Variants in GALNT2 observed in about 807,000 individuals in gnomAD.
GALNT2 encodes UDP-GalNAc:polypeptide N-acetylgalactosaminyltransferase 2.
A neutral mutation model predicts 81.4 loss-of-function variants in GALNT2; 31 were observed. The observed-to-expected ratio is 0.38, with a 90% confidence interval of 0.29 to 0.51. The LOEUF is 0.51. GALNT2 is among the 20% of genes least tolerant of loss of function. GALNT2 has a pLI of 0.87. For missense variants in GALNT2, 629 were observed against 765.7 expected, an observed-to-expected ratio of 0.82 and a Z score of 2.11; for synonymous variants, 303 against 287.4, an observed-to-expected ratio of 1.05 and a Z score of -0.55.
chr1:230,182,516 T>C (rs1663192201), intron 2 of GALNT2, among the ~76,000 whole-genome samples: 1 of 152,254 alleles, frequency 6.6e-6, no homozygotes. Context: ...CGTTGTTTAG[T>C]CTCCATGTAC....
intron 1 of GALNT2, among the ~76,000 whole-genome samples, chr1:230,095,244 C>A (rs1217589039): frequency 6.6e-6 from 1 of 152,084 alleles, no homozygotes; most frequent in Non-Finnish European, 1.5e-5. Flanking sequence ...TCAGGGTGAC[C>A]CATCTAGCAG....
At chr1:230,242,215 G>C (rs889388019) in intron 6 of GALNT2, among the ~76,000 whole-genome samples, 2 of 152,188 alleles carry the variant, frequency 1.3e-5, no homozygotes, top group Non-Finnish European at 2.9e-5. Flanking sequence ...TCTAGTTTCT[G>C]TCTGCTTCTG....
intron 1 of GALNT2, among the ~76,000 whole-genome samples, chr1:230,076,271 G>T (rs961657356): frequency 1.3e-5 from 2 of 152,226 alleles, no homozygotes; most frequent in African/African-American, 4.8e-5. Flanking sequence ...TGACTTCTGT[G>T]AAGCACCAAG....
At chr1:230,061,819 GTCTTT>G (rs945292108) in intron 1 of GALNT2, among the ~76,000 whole-genome samples, 1 of 152,080 alleles carries the variant, frequency 6.6e-6, no homozygotes, top group Non-Finnish European at 1.5e-5. Flanking sequence ...AGATACATGT[GTCTTT>G]TCTTTTCTGC....
chr1:230,199,836 G>T (rs1370532783), intron 2 of GALNT2, among the ~76,000 whole-genome samples: 1 of 152,134 alleles, frequency 6.6e-6, no homozygotes, highest in Non-Finnish European at 1.5e-5. Flanking sequence ...TAGTCTTTGG[G>T]TGCTGAAGAA....
At chr1:230,064,986 T>C (rs1659138205), upstream of GALNT2, among the ~76,000 whole-genome samples, 1 of 152,254 alleles carries the variant, frequency 6.6e-6, no homozygotes, top group African/African-American at 2.4e-5. Context: ...TAATTCCAGA[T>C]CATTTCCCAA....
intron 1 of GALNT2, among the ~76,000 whole-genome samples, chr1:230,081,003 G>A (rs1659708610): frequency 6.6e-6 from 1 of 152,152 alleles, no homozygotes; most frequent in Non-Finnish European, 1.5e-5. Flanking sequence ...AGGCATTCAC[G>A]AGCCCAGAGG....
chr1:230,256,205 G>A (rs557187673), intron 11 of GALNT2, among the ~76,000 whole-genome samples: 5 of 152,144 alleles, frequency 3.3e-5, no homozygotes, highest in South Asian at 2.1e-4. Context: ...GCGGGAGGCC[G>A]AGATGGGCAG....
intron 10 of GALNT2, among the ~76,000 whole-genome samples, chr1:230,251,789 C>T (rs1665552890): frequency 6.6e-6 from 1 of 152,122 alleles, no homozygotes; most frequent in Non-Finnish European, 1.5e-5. Context: ...GTGTGGTTTT[C>T]AGAAGTTTGC....
intron 1 of GALNT2, among the ~76,000 whole-genome samples, chr1:230,077,057 G>A (rs568453891): frequency 6.6e-6 from 1 of 152,330 alleles, no homozygotes; most frequent in East Asian, 1.9e-4. Flanking sequence ...TTTTGGAGAT[G>A]CCCATGAATT....
In GALNT2 at chr1:230,271,885, A is replaced by G. The variant is rs1040050008; in HGVS notation, c.1441-2560A>G. Among the ~76,000 whole-genome samples, 6 of 152,316 alleles carry G rather than the reference A, an allele frequency of 3.9e-5. No homozygotes were observed. Among genetic ancestry groups the G allele is most frequent in the Middle Eastern group, 6.8e-3 (2 of 294 alleles). On this transcript the variant is annotated intron_variant, in intron 14 of 15. Coordinates refer to ENST00000366672, the MANE Select transcript of GALNT2 (RefSeq NM_004481.5). The surrounding 1 kb of genome is among the most constrained non-coding windows in gnomAD (Gnocchi z 4.2). ...TCTCCAGCTCCTCTTCCCTTCCCAG[A>G]GGATGGGGTGGCGGGGGACTGACGG...
intron 13 of GALNT2, chr1:230,263,323 A>T (rs975932374): frequency 6.0e-6 from 2 of 331,166 alleles, no homozygotes; most frequent in South Asian, 3.5e-5. Context: ...CTGGTGTCTG[A>T]CAGGCTCTTC....
chr1:230,217,476 C>G (rs1664425696), intron 3 of GALNT2, among the ~76,000 whole-genome samples: 1 of 152,166 alleles, frequency 6.6e-6, no homozygotes, highest in Admixed American at 6.5e-5. Flanking sequence ...GAGGTGAGGT[C>G]TGAGAGGAGT....
At chr1:230,109,568 A>G (rs1322202810) in intron 1 of GALNT2, among the ~76,000 whole-genome samples, 1 of 152,188 alleles carries the variant, frequency 6.6e-6, no homozygotes, top group African/African-American at 2.4e-5. Flanking sequence ...TGGCTCACGC[A>G]TGTAATCCCA....
chr1:230,192,355 G>A (rs1663555549), intron 2 of GALNT2, among the ~76,000 whole-genome samples: 1 of 152,232 alleles, frequency 6.6e-6, no homozygotes, highest in Non-Finnish European at 1.5e-5. Context: ...TTATGGTATG[G>A]TGTGGACAAG....
intron 1 of GALNT2, among the ~76,000 whole-genome samples, chr1:230,074,531 C>A (rs564344045): frequency 1.3e-5 from 2 of 152,072 alleles, no homozygotes; most frequent in African/African-American, 2.4e-5. Context: ...AGTGTCCTGG[C>A]GAGGGTGGGA....
At chr1:230,097,840 A>G (rs567656779) in intron 1 of GALNT2, among the ~76,000 whole-genome samples, 33 of 152,308 alleles carry the variant, frequency 2.2e-4, no homozygotes, top group African/African-American at 7.9e-4. Flanking sequence ...TATATTTTTA[A>G]TTGCTTGGCA....
chr1:230,138,727 C>T (rs1213759579), intron 1 of GALNT2, among the ~76,000 whole-genome samples: 1 of 152,132 alleles, frequency 6.6e-6, no homozygotes, highest in Non-Finnish European at 1.5e-5. Context: ...AGACCATCTA[C>T]GGTAACTTCT....
intron 1 of GALNT2, among the ~76,000 whole-genome samples, chr1:230,122,643 CGTGTGT>C: frequency 6.6e-6 from 1 of 150,784 alleles, no homozygotes; most frequent in South Asian, 2.1e-4. Flanking sequence ...CATGTACATA[CGTGTGT>C]GTGTGTGTTC....
Sources: allele counts gnomAD v4.1 joint callset (sites outside exome capture counted in the v4.1 genomes callset), GRCh38; gene constraint gnomAD v4.1.1; non-coding constraint Gnocchi (gnomAD v3.1); transcripts MANE v1.5; gene names NCBI Gene and HGNC (gene_info 2026-07-23, HGNC 2026-07-21).